SCRG1: variants seen among roughly 807,000 people sequenced by gnomAD.
The protein encoded by SCRG1 is stimulator of chondrogenesis 1, also known as scrapie-responsive protein 1.
A neutral mutation model predicts 7.7 loss-of-function variants in SCRG1; 3 were observed. That is an observed-to-expected ratio of 0.39 (90% CI 0.18 to 1.01). The LOEUF is 1.01. Among genes scored for constraint, SCRG1 ranks in the 50% least tolerant of loss-of-function variants. The probability of loss-of-function intolerance (pLI) is 0.36; values close to 1 mark genes in which losing one functional copy is unlikely to be tolerated. For synonymous variants in SCRG1, 46 were observed against 41.2 expected (o/e 1.12, Z -0.44); for missense variants, 110 against 117.2 (o/e 0.94, Z 0.28).
At chr4:173,481,856 G>T in the SCRG1 span, among the ~76,000 whole-genome samples, 1 of 152,076 alleles carries the variant, frequency 6.6e-6, no homozygotes, top group Non-Finnish European at 1.5e-5. Flanking sequence ...AAGGCTTCCA[G>T]TCAACAGTAG....
chr4:173,454,525 C>T, the SCRG1 span, among the ~76,000 whole-genome samples: 3 of 152,156 alleles, frequency 2.0e-5, no homozygotes, highest in Non-Finnish European at 4.4e-5. Context: ...AGTACCAAGG[C>T]AAACTTGGTA....
the SCRG1 span, among the ~76,000 whole-genome samples, chr4:173,513,086 T>G: frequency 6.6e-6 from 1 of 152,108 alleles, no homozygotes; most frequent in Non-Finnish European, 1.5e-5. Flanking sequence ...TAGGAGAAAA[T>G]GTATTTATTA....
the SCRG1 span, among the ~76,000 whole-genome samples, chr4:173,445,685 A>C: frequency 1.4e-5 from 2 of 138,294 alleles, no homozygotes; most frequent in Non-Finnish European, 3.2e-5. Context: ...TTTTTTTTTG[A>C]GATGGAGTCT....
chr4:173,407,658 C>T (rs1277400297), upstream of SCRG1, among the ~76,000 whole-genome samples: 1 of 152,176 alleles, frequency 6.6e-6, no homozygotes, highest in Non-Finnish European at 1.5e-5. Flanking sequence ...TTGTAATAAT[C>T]TAGCCTTTAT....
In SCRG1 at chr4:173,397,561, A is replaced by G. The variant is rs573314040; in HGVS notation, c.-15+1507T>C. On this transcript the variant is annotated intron_variant, in intron 1 of 2. Transcript: ENST00000296506. ...GTTTTAATAGATCATTGCAGAGGATACAGGATTATGAGCAAGACATTTCCA... is the reference window on the plus strand; with the variant it reads ...GTTTTAATAGATCATTGCAGAGGATGCAGGATTATGAGCAAGACATTTCCA... 4.6e-5 allele frequency among the ~76,000 whole-genome samples: 7 copies of G among 152,348 alleles called. No homozygotes were observed. In the South Asian group the frequency reaches 1.2e-3, roughly 27 times the overall value.
At chr4:173,440,676 A>G in the SCRG1 span, among the ~76,000 whole-genome samples, 1 of 152,190 alleles carries the variant, frequency 6.6e-6, no homozygotes, top group Non-Finnish European at 1.5e-5. Flanking sequence ...TCACATCACT[A>G]CAAACCAAGT....
the SCRG1 span, among the ~76,000 whole-genome samples, chr4:173,431,482 T>C: frequency 3.9e-5 from 6 of 152,290 alleles, no homozygotes; most frequent in East Asian, 1.9e-4. Flanking sequence ...AATACACAAA[T>C]ATAAGTACCT....
the SCRG1 span, among the ~76,000 whole-genome samples, chr4:173,480,349 T>C: frequency 6.7e-6 from 1 of 150,284 alleles, no homozygotes; most frequent in Admixed American, 6.7e-5. Context: ...CCAGGACTGG[T>C]TTTTTTTGTT....
the SCRG1 span, among the ~76,000 whole-genome samples, chr4:173,414,598 G>A: frequency 3.9e-5 from 6 of 152,198 alleles, no homozygotes; most frequent in Non-Finnish European, 8.8e-5. Flanking sequence ...TGATCATGTC[G>A]TTTGAATGGG....
At chr4:173,416,986 CCACA>C in the SCRG1 span, among the ~76,000 whole-genome samples, 212 of 142,520 alleles carry the variant, frequency 1.5e-3, 1 homozygote, top group African/African-American at 5.3e-3. Context: ...CACACACACC[CCACA>C]CACAATCACA....
chr4:173,435,570 AC>A, the SCRG1 span, among the ~76,000 whole-genome samples: 7 of 152,200 alleles, frequency 4.6e-5, no homozygotes, highest in Non-Finnish European at 1.0e-4. Flanking sequence ...TGACTTCAAA[AC>A]TGTCCACAGA....
At chr4:173,462,742 TACA>T in the SCRG1 span, among the ~76,000 whole-genome samples, 1 of 152,092 alleles carries the variant, frequency 6.6e-6, no homozygotes, top group Non-Finnish European at 1.5e-5. Flanking sequence ...AAATAATAAC[TACA>T]ACAACTTTTC....
chr4:173,477,755 CTTCCTTCCTTCCTTCT>C, the SCRG1 span, among the ~76,000 whole-genome samples: 3 of 108,010 alleles, frequency 2.8e-5, no homozygotes, highest in Admixed American at 9.1e-5. Flanking sequence ...TCCTTCCTTC[CTTCCTTCCTTCCTTCT>C]TTCCTTCCTT....
At chr4:173,491,215 CTCTT>C in the SCRG1 span, among the ~76,000 whole-genome samples, 1 of 132,964 alleles carries the variant, frequency 7.5e-6, no homozygotes, top group Non-Finnish European at 1.6e-5. Context: ...CTCTCTCTCT[CTCTT>C]TTTTTTTTTT....
chr4:173,485,816 A>T, the SCRG1 span, among the ~76,000 whole-genome samples: 2 of 152,006 alleles, frequency 1.3e-5, no homozygotes, highest in Non-Finnish European at 2.9e-5. Context: ...CTAAAAATAC[A>T]AAAATTAGCC....
chr4:173,396,741 T>TGTGTGTGTGTGAGA (rs35823365), intron 1 of SCRG1, among the ~76,000 whole-genome samples: 11 of 145,642 alleles, frequency 7.6e-5, no homozygotes, highest in East Asian at 4.0e-4. Flanking sequence ...TGTGTGTGTG[T>TGTGTGTGTGTGAGA]GTGTGTGTAT....
the SCRG1 span, among the ~76,000 whole-genome samples, chr4:173,451,238 G>C: frequency 2.7e-5 from 4 of 148,942 alleles, no homozygotes; most frequent in East Asian, 2.0e-4. Context: ...AAGGAATAAG[G>C]GTAAGCCAGC....
the SCRG1 span, among the ~76,000 whole-genome samples, chr4:173,504,763 A>G: frequency 1.3e-5 from 2 of 152,322 alleles, no homozygotes; most frequent in African/African-American, 4.8e-5. This position sits in a 1 kb window ranked among gnomAD's most constrained non-coding sequence, Gnocchi z 4.7. Flanking sequence ...TCAGAGGAGG[A>G]AAAACTGAGT....
chr4:173,458,643 C>T, the SCRG1 span, among the ~76,000 whole-genome samples: 2 of 152,082 alleles, frequency 1.3e-5, no homozygotes, highest in African/African-American at 4.8e-5. Flanking sequence ...CTTATCACTA[C>T]TGAAAACCAT....
Sources: gnomAD v4.1 joint callset for allele counts (sites outside exome capture counted in the v4.1 genomes callset) on GRCh38, gnomAD v4.1.1 for gene constraint, Gnocchi (gnomAD v3.1) non-coding constraint, MANE v1.5 for transcripts, NCBI Gene and HGNC (gene_info 2026-07-23, HGNC 2026-07-21) for gene names.